STAB2: variants seen among roughly 807,000 people sequenced by gnomAD.
STAB2 encodes stabilin-2.
STAB2 carries 288 observed loss-of-function variants against 338.1 expected under a neutral mutation model. That is an observed-to-expected ratio of 0.85 (90% confidence interval 0.77 to 0.94). STAB2 has a LOEUF of 0.94. Among genes scored for constraint, STAB2 ranks in the 40% least tolerant of loss-of-function variants. STAB2 has a pLI of 0.00. For missense variants in STAB2, 3,141 were observed against 3,210.1 expected (o/e 0.98, Z 0.52); for synonymous variants, 1,202 against 1,193.3 (o/e 1.01, Z -0.15).
chr12:103,625,170 G>C (rs921517942), intron 5 of STAB2, among the ~76,000 whole-genome samples: 1 of 152,144 alleles, frequency 6.6e-6, no homozygotes, highest in Non-Finnish European at 1.5e-5. Flanking sequence ...TCCCAAGAAA[G>C]CCTAGTAATT....
rs778439938 is a variant in STAB2, at chr12:103,712,372, T to G, written c.4340T>G (p.Leu1447Arg). Residue 1447 changes from leucine (L) to arginine (R), a missense_variant, in exon 41 of 69, where the codon CTC (leucine) becomes CGC (arginine). By Grantham distance (102) the Leu-to-Arg change is moderately radical. Transcript: ENST00000388887. ...NGTCHTSANCLTNSDGTASCK... is the reference protein window; with the variant it reads ...NGTCHTSANCRTNSDGTASCK... ...TTTGTCCTTCCTTGTTGCAGCTGCC[T>G]CACCAACTCAGATGGTACAGCTTCA... 7 of 1,613,642 alleles carry G rather than the reference T, an allele frequency of 4.3e-6. No homozygotes were observed. In the East Asian group the frequency reaches 1.6e-4, roughly 36 times the overall value.
intron 46 of STAB2, among the ~76,000 whole-genome samples, chr12:103,726,529 G>T (rs1852023236): frequency 6.6e-6 from 1 of 152,144 alleles, no homozygotes; most frequent in Non-Finnish European, 1.5e-5. Flanking sequence ...CCAAATACAG[G>T]ATAAACTGGT....
At chr12:103,678,128 C>T (rs1876556472) in intron 25 of STAB2, among the ~76,000 whole-genome samples, 1 of 152,158 alleles carries the variant, frequency 6.6e-6, no homozygotes. Flanking sequence ...ACAGGTAGGA[C>T]CAACAGGTGT....
Position 103,740,674 on chromosome 12 carries a change from C to T in STAB2, c.5799C>T (p.Asn1933=). The change falls in exon 55 of 69, where the codon AAC becomes AAT. Residue 1933 remains asparagine (N), a synonymous_variant. Transcript: ENST00000388887. The part of the protein sequence containing the change: ...KCLYNLPFKR[N]LEGCRERCSL... ...TCTACAACCTGCCCTTCAAGAGGAACCTGGAAGGCTGCCGGGAGCGGTGCA... is the reference window on the plus strand; with the variant it reads ...TCTACAACCTGCCCTTCAAGAGGAATCTGGAAGGCTGCCGGGAGCGGTGCA... The T allele has an allele frequency of 6.2e-7, 1 of 1,611,904 alleles. No individual in the cohort carries two copies. The highest frequency in any genetic ancestry group is 8.5e-7 in the Non-Finnish European group (1 of 1,179,220).
intron 50 of STAB2, 58 bp downstream of exon 50, chr12:103,731,693 G>A: frequency 6.5e-7 from 1 of 1,544,154 alleles, no homozygotes; most frequent in Non-Finnish European, 8.9e-7. Context: ...GTTTTGTTTT[G>A]TTTGTTTTGT....
intron 26 of STAB2, among the ~76,000 whole-genome samples, chr12:103,684,710 TACTC>T (rs746715900): frequency 6.6e-6 from 1 of 152,238 alleles, no homozygotes; most frequent in East Asian, 1.9e-4. Context: ...TACTCAAACT[TACTC>T]ATTTATCTGA....
At chr12:103,705,308 A>G (rs545284662) in intron 36 of STAB2, among the ~76,000 whole-genome samples, 2 of 152,360 alleles carry the variant, frequency 1.3e-5, no homozygotes, top group South Asian at 4.1e-4. Context: ...AGTTCAGTTG[A>G]GTCAATGTAC....
intron 38 of STAB2, among the ~76,000 whole-genome samples, chr12:103,707,535 G>T (rs1039334055): frequency 2.6e-5 from 4 of 152,142 alleles, no homozygotes; most frequent in Admixed American, 2.6e-4. Context: ...TTACCTGAGG[G>T]TTGCTCTATT....
At chr12:103,727,472 A>G (rs1881303445) in intron 47 of STAB2, 122 bp downstream of exon 47, 1 of 1,118,470 alleles carries the variant, frequency 8.9e-7, no homozygotes, top group African/African-American at 1.5e-5. Context: ...GGTGGAACTC[A>G]CCAGCAATAG....
chr12:103,749,246 C>T, intron 59 of STAB2, 90 bp downstream of exon 59: 1 of 1,339,068 alleles, frequency 7.5e-7, no homozygotes. Context: ...TGCTTATCTC[C>T]TGGACTCTTC....
At position 103,652,695 on chromosome 12, in the gene STAB2, A is replaced by G; in HGVS notation, c.1397A>G (p.Asn466Ser). The change falls in exon 12 of 69, where the codon AAC becomes AGC. Residue 466 changes from asparagine (N) to serine (S), a missense_variant. Physicochemically the swap from Asn to Ser is conservative, Grantham distance 46. Transcript: ENST00000388887. ...ACTGGAAAGTCGGGGGAAATCTTCA[A>G]CAGCGATAAGGTAAGGGTTCCTCTG... is the stretch of plus-strand genomic sequence containing the variant. Reference protein sequence around the residue: ...TLTGKSGEIFNSDKDNQIKLK... With the variant: ...TLTGKSGEIFSSDKDNQIKLK... The G allele has an allele frequency of 6.2e-7, 1 of 1,600,732 alleles. No individual in the cohort carries two copies. Among genetic ancestry groups the G allele is most frequent in the South Asian group, 1.2e-5 (1 of 86,692 alleles).
Position 103,605,477 on chromosome 12 carries a change from GTTTATT to G in STAB2, c.331+10979_331+10984del, listed in dbSNP as rs1957013819. On this transcript the variant is annotated intron_variant, in intron 3 of 68. Transcript: ENST00000388887. The stretch of plus-strand genomic sequence containing the variant: ...CAAGTCTTTTCTATACTTAATAATT[GTTTATT>G]TTTATTTTTATAAGAAATATGATTC... Among the ~76,000 whole-genome samples, 5 of 151,806 alleles carry G rather than the reference GTTTATT, an allele frequency of 3.3e-5. No individual in the cohort carries two copies. In the South Asian group the frequency reaches 6.2e-4, roughly 19 times the overall value.
intron 5 of STAB2, among the ~76,000 whole-genome samples, chr12:103,625,529 GC>G (rs1178755251): frequency 6.6e-6 from 1 of 152,006 alleles, no homozygotes; most frequent in Non-Finnish European, 1.5e-5. Context: ...CCCACAACAG[GC>G]CCCAGTGTGT....
rs373857284 is a variant in STAB2, at chr12:103,640,261, G to A, written c.1040+5G>A. ...CGTCGCACCAGGCCGAACTGAGTAA[G>A]TCTTTTCAATTCCTCCACCAACATT... On this transcript the variant is annotated splice_donor_5th_base_variant and intron_variant, in intron 9 of 68. Transcript: ENST00000388887. 6.2e-7 allele frequency: 1 copy of A among 1,607,072 alleles called. No individual in the cohort carries two copies. Among genetic ancestry groups the A allele is most frequent in the African/African-American group, 1.3e-5 (1 of 74,734 alleles).
At chr12:103,753,819 C>A (rs1237795353) in intron 61 of STAB2, among the ~76,000 whole-genome samples, 1 of 152,154 alleles carries the variant, frequency 6.6e-6, no homozygotes, top group Non-Finnish European at 1.5e-5. Flanking sequence ...TACCCACGAG[C>A]CTAGGGTGGA....
chr12:103,658,011 C>T (rs986527736), intron 15 of STAB2: 14 of 152,214 alleles, frequency 9.2e-5, no homozygotes, highest in African/African-American at 3.4e-4. Context: ...AAATTTCAGT[C>T]TGGAAACCCT....
At chr12:103,608,413 A>T (rs1177795042) in intron 3 of STAB2, among the ~76,000 whole-genome samples, 2 of 152,112 alleles carry the variant, frequency 1.3e-5, no homozygotes, top group Non-Finnish European at 2.9e-5. Flanking sequence ...AAGTGCTGGG[A>T]TTACAGGCAT....
chr12:103,749,303 G>A (rs1883370063), intron 59 of STAB2, 147 bp downstream of exon 59: 1 of 938,108 alleles, frequency 1.1e-6, no homozygotes, highest in Admixed American at 3.0e-5. Flanking sequence ...AAAGTCATTG[G>A]GCTAAATGCA....
intron 2 of STAB2, among the ~76,000 whole-genome samples, chr12:103,591,946 AT>A (rs562524630): frequency 1.8e-3 from 273 of 148,486 alleles, no homozygotes; most frequent in African/African-American, 3.5e-3. Flanking sequence ...GGATGGAAGG[AT>A]TTTTTTTTTT....
Sources: gnomAD v4.1 joint callset for allele counts (sites outside exome capture counted in the v4.1 genomes callset) on GRCh38, gnomAD v4.1.1 for gene constraint, MANE v1.5 for transcripts, NCBI Gene and HGNC (gene_info 2026-07-23, HGNC 2026-07-21) for gene names.